The following SGMS1 variants were observed in gnomAD, a reference collection of about 807,000 sequenced individuals.
The protein encoded by SGMS1 is sphingomyelin synthase 1, also known as phosphatidylcholine:ceramide cholinephosphotransferase 1.
In SGMS1, 13 loss-of-function variants were observed where a neutral mutation model predicts 46.2. That is an observed-to-expected ratio of 0.28 (90% confidence interval 0.18 to 0.45). The LOEUF is 0.45. Ranked by LOEUF, SGMS1 falls within the 20% of genes least tolerant of loss-of-function variation. The probability of loss-of-function intolerance (pLI) is 1.00; values close to 1 mark genes in which losing one functional copy is unlikely to be tolerated. For synonymous variants in SGMS1, 203 were observed against 187.8 expected (o/e 1.08, Z -0.66); for missense variants, 324 against 519.9 (o/e 0.62, Z 3.66).
intron 1 of SGMS1, chr10:50,590,570 GT>G (rs1448104770): frequency 6.6e-6 from 1 of 152,016 alleles, no homozygotes; most frequent in African/African-American, 2.4e-5. Flanking sequence ...CAAGGTGATG[GT>G]TTTATATATG....
intron 6 of SGMS1, among the ~76,000 whole-genome samples, chr10:50,369,387 A>G (rs1848398814): frequency 6.6e-6 from 1 of 152,162 alleles, no homozygotes; most frequent in Non-Finnish European, 1.5e-5. Context: ...GGTCCCAGCT[A>G]CTTGGTAGGC....
intron 2 of SGMS1, among the ~76,000 whole-genome samples, chr10:50,576,611 T>C (rs958642364): frequency 6.6e-6 from 1 of 152,236 alleles, no homozygotes; most frequent in Non-Finnish European, 1.5e-5. Flanking sequence ...CTCAACCAGA[T>C]GAGGGGCCTA....
At chr10:50,350,528 C>T (rs974556696) in intron 6 of SGMS1, among the ~76,000 whole-genome samples, 17 of 152,184 alleles carry the variant, frequency 1.1e-4, no homozygotes, top group Middle Eastern at 3.2e-3. Context: ...CCTCCCATCA[C>T]AGGCCCAGGA....
Position 50,484,858 on chromosome 10 carries a change from A to G in SGMS1, c.-497-17926T>C, listed in dbSNP as rs186896607. Among the ~76,000 whole-genome samples, 141 of 152,332 alleles carry G rather than the reference A, an allele frequency of 9.3e-4. 1 individual carries two copies. Among genetic ancestry groups the G allele is most frequent in the African/African-American group, 3.3e-3 (138 of 41,586 alleles). ...CAAAATTCAACATCCCTTCATGTTA[A>G]AAACTCTCAATAAACTAGGTATTAA... On this transcript the variant is annotated intron_variant, in intron 3 of 10. Transcript: ENST00000361781.
chr10:50,592,463 A>G (rs7922659), intron 1 of SGMS1, among the ~76,000 whole-genome samples: 2,359 of 152,056 alleles, frequency 0.016, 62 homozygotes, highest in African/African-American at 0.053. Context: ...TGGTCTTGGG[A>G]AAAAGTATGG....
intron 8 of SGMS1, 98 bp from the exon 9 acceptor site, chr10:50,311,513 T>G: frequency 1.0e-6 from 1 of 984,478 alleles, no homozygotes; most frequent in Non-Finnish European, 1.3e-6. Flanking sequence ...AAGCTTATAT[T>G]AAGAAACATA....
intron 6 of SGMS1, among the ~76,000 whole-genome samples, chr10:50,425,389 T>C (rs1338500250): frequency 6.6e-6 from 1 of 152,180 alleles, no homozygotes; most frequent in Non-Finnish European, 1.5e-5. Context: ...ATGTGGTACA[T>C]ACATGCCATG....
At chr10:50,603,207 C>T (rs1838664246) in intron 1 of SGMS1, among the ~76,000 whole-genome samples, 1 of 152,198 alleles carries the variant, frequency 6.6e-6, no homozygotes, top group African/African-American at 2.4e-5. Context: ...CCCTAATAAA[C>T]CTGTAGGATG....
At chr10:50,508,218 C>A (rs1375941727) in intron 3 of SGMS1, among the ~76,000 whole-genome samples, 1 of 152,130 alleles carries the variant, frequency 6.6e-6, no homozygotes, top group African/African-American at 2.4e-5. Context: ...ATTTAAAGAG[C>A]TAAACAATCC....
At chr10:50,580,993 C>T (rs1285595094) in intron 2 of SGMS1, among the ~76,000 whole-genome samples, 1 of 152,154 alleles carries the variant, frequency 6.6e-6, no homozygotes, top group South Asian at 2.1e-4. Context: ...CCACACCCCA[C>T]CCCCAGAGTT....
chr10:50,438,300 T>C (rs1386790289), intron 5 of SGMS1, among the ~76,000 whole-genome samples: 1 of 152,226 alleles, frequency 6.6e-6, no homozygotes, highest in Non-Finnish European at 1.5e-5. Context: ...TTACATAAGA[T>C]TGTAACATCT....
chr10:50,392,635 G>A (rs1848789927), intron 6 of SGMS1, among the ~76,000 whole-genome samples: 1 of 152,142 alleles, frequency 6.6e-6, no homozygotes. Context: ...CATCACCAGG[G>A]CACAGTCCAA....
chr10:50,460,186 T>C (rs927603914), intron 5 of SGMS1: 2 of 152,084 alleles, frequency 1.3e-5, no homozygotes, highest in Non-Finnish European at 2.9e-5. Context: ...AAACATTTAA[T>C]AGGGGTCAAA....
At chr10:50,443,491 C>T (rs910938530) in intron 5 of SGMS1, among the ~76,000 whole-genome samples, 6 of 151,846 alleles carry the variant, frequency 4.0e-5, no homozygotes, top group African/African-American at 9.7e-5. Context: ...CAATAATCAA[C>T]ATCTAAAGAG....
chr10:50,624,149 G>A (rs1838888916), upstream of SGMS1: 2 of 984,868 alleles, frequency 2.0e-6, no homozygotes, highest in Non-Finnish European at 1.2e-6. Flanking sequence ...TTACTTTCAA[G>A]TAATGGGAAA....
intron 5 of SGMS1, among the ~76,000 whole-genome samples, chr10:50,448,731 T>A (rs1588831909): frequency 3.7e-5 from 3 of 80,936 alleles, no homozygotes; most frequent in Admixed American, 1.8e-4. Flanking sequence ...GCAACAAGAG[T>A]GAAACTCCGC....
intron 2 of SGMS1, among the ~76,000 whole-genome samples, chr10:50,560,266 G>A (rs1256197302): frequency 1.4e-5 from 2 of 138,396 alleles, no homozygotes; most frequent in Non-Finnish European, 3.0e-5. Flanking sequence ...AATATCTAAT[G>A]TATGTAATAT....
At chr10:50,490,266 C>G (rs570753091) in intron 3 of SGMS1, among the ~76,000 whole-genome samples, 14 of 152,064 alleles carry the variant, frequency 9.2e-5, no homozygotes, top group Non-Finnish European at 1.9e-4. Flanking sequence ...AAATTATGAG[C>G]TAGAGTCAAG....
chr10:50,533,195 T>C (rs1305925105), intron 2 of SGMS1, among the ~76,000 whole-genome samples: 1 of 152,198 alleles, frequency 6.6e-6, no homozygotes, highest in Non-Finnish European at 1.5e-5. Context: ...AGTATTGCAA[T>C]CTCACCGAAA....
Sources: allele counts gnomAD v4.1 joint callset (sites outside exome capture counted in the v4.1 genomes callset), GRCh38; gene constraint gnomAD v4.1.1; transcripts MANE v1.5; gene names NCBI Gene and HGNC (gene_info 2026-07-23, HGNC 2026-07-21).